ABLIM1: variants seen among roughly 807,000 people sequenced by gnomAD.
ABLIM1 encodes the protein actin binding LIM protein 1.
ABLIM1 carries 40 observed loss-of-function variants against 107.0 expected under a neutral mutation model. The ratio of observed to expected loss-of-function variants is 0.37; its 90% CI spans 0.29 to 0.49. ABLIM1 has a LOEUF of 0.49. Ranked by LOEUF, ABLIM1 falls within the 20% of genes least tolerant of loss-of-function variation. The probability of loss-of-function intolerance (pLI) is 0.97; values close to 1 mark genes in which losing one functional copy is unlikely to be tolerated. For synonymous variants in ABLIM1, 357 were observed against 357.3 expected, an observed-to-expected ratio of 1.00 and a Z score of 0.01; for missense variants, 857 against 1,008.5, an observed-to-expected ratio of 0.85 and a Z score of 2.04.
At chr10:114,769,292 G>C (rs1053260588), upstream of ABLIM1, among the ~76,000 whole-genome samples, 3 of 149,630 alleles carry the variant, frequency 2.0e-5, no homozygotes, top group South Asian at 6.4e-4. Context: ...GCAGTGAGCC[G>C]AGATCACGGC....
In ABLIM1 at chr10:114,691,716, T is replaced by C. The variant is rs573255944; in HGVS notation, c.-213+76345A>G. Reference sequence around the variant, plus strand: ...ACAGATGAAGCATTGGGTTAAATCATAATGACTTACTTTAGTGTGGATTTT... The same window carrying C: ...ACAGATGAAGCATTGGGTTAAATCACAATGACTTACTTTAGTGTGGATTTT... On this transcript the variant is annotated intron_variant, in intron 1 of 15. Coordinates refer to the ABLIM1 transcript ENST00000651092. Among the ~76,000 whole-genome samples, 247 of 152,340 alleles carry C rather than the reference T, an allele frequency of 1.6e-3. 1 individual carries two copies. Among genetic ancestry groups the C allele is most frequent in the Non-Finnish European group, 2.6e-3 (174 of 68,030 alleles).
intron 2 of ABLIM1, among the ~76,000 whole-genome samples, chr10:114,587,628 G>A (rs1366879690): frequency 6.6e-6 from 1 of 152,128 alleles, no homozygotes; most frequent in Non-Finnish European, 1.5e-5. Flanking sequence ...AAGTTTGCTT[G>A]TTCAAATTAA....
chr10:114,533,770 G>C (rs934655048), intron 6 of ABLIM1, among the ~76,000 whole-genome samples: 1 of 152,090 alleles, frequency 6.6e-6, no homozygotes, highest in Non-Finnish European at 1.5e-5. Context: ...TCGAACACCT[G>C]GGCTCTAGCA....
chr10:114,578,657 C>T (rs557174065), intron 2 of ABLIM1, among the ~76,000 whole-genome samples: 5 of 152,168 alleles, frequency 3.3e-5, no homozygotes, highest in African/African-American at 7.2e-5. Flanking sequence ...CTGCCCAACT[C>T]GGCCTCCCAA....
intron 1 of ABLIM1, among the ~76,000 whole-genome samples, chr10:114,702,714 A>G (rs1029711530): frequency 5.9e-5 from 9 of 151,886 alleles, no homozygotes; most frequent in Admixed American, 2.0e-4. Flanking sequence ...TTTAGTAGAG[A>G]CGGGGTTTCA....
chr10:114,436,294 C>A lies in ABLIM1; in HGVS notation c.2303G>T (p.Arg768Leu), dbSNP rs775966839. ...TTTTGCTTTTTTCTTCATGTCGTTG[C>A]GTCTCCAAAGAGGTAACCTGTCAAA... ...QEFDRLPLWR[R>L]NDMKKKAKLF Residue 768 changes from arginine to leucine, a missense_variant, in exon 23 of 23, where the codon CGC (arginine) becomes CTC (leucine). By Grantham distance (102) the Arg-to-Leu change is moderately radical. Coordinates refer to ENST00000533213, the MANE Select transcript of ABLIM1 (RefSeq NM_002313.7). 6.2e-7 allele frequency: 1 copy of A among 1,613,840 alleles called. No homozygotes were observed. The highest frequency in any genetic ancestry group is 1.3e-5 in the African/African-American group (1 of 74,970).
chr10:114,571,308 G>T lies in ABLIM1; in HGVS notation c.662C>A (p.Thr221Asn), dbSNP rs1179946795. 1.2e-6 allele frequency: 2 copies of T among 1,614,192 alleles called. No individual in the cohort carries two copies. Among genetic ancestry groups the T allele is most frequent in the East Asian group, 4.5e-5 (2 of 44,880 alleles). Residue 221 changes from threonine to asparagine, a missense_variant, in exon 4 of 23, where the codon ACC becomes AAC. Thr to Asn is a moderately conservative substitution (Grantham distance 65, BLOSUM62 0). Around this residue, in one of 5 missense-constraint regions of ABLIM1, gnomAD observed 381 missense variants for 506.9 expected, o/e 0.75. Coordinates refer to ENST00000533213, the MANE Select transcript of ABLIM1 (RefSeq NM_002313.7). ...QPMSSSPKET[T>N]FSSNCAGCGR... ...ACCGGGGCACTTACTGCTGGAGAAG[G>T]TGGTTTCTTTCGGACTGGACGACAT... is the stretch of plus-strand genomic sequence containing the variant.
chr10:114,587,213 T>C (rs895741339), intron 2 of ABLIM1, among the ~76,000 whole-genome samples: 1 of 152,238 alleles, frequency 6.6e-6, no homozygotes, highest in Non-Finnish European at 1.5e-5. Context: ...CTAATAGCTT[T>C]AGATGAACAC....
chr10:114,687,065 G>A (rs1232153039), upstream of ABLIM1, among the ~76,000 whole-genome samples: 1 of 152,182 alleles, frequency 6.6e-6, no homozygotes, highest in Non-Finnish European at 1.5e-5. Context: ...ACCCTTCACA[G>A]GAAAGTGACC....
chr10:114,715,347 C>T (rs963092308), intron 1 of ABLIM1, among the ~76,000 whole-genome samples: 3 of 152,132 alleles, frequency 2.0e-5, no homozygotes, highest in African/African-American at 7.2e-5. Context: ...GATCAGTATC[C>T]GAGCCCCTTC....
intron 4 of ABLIM1, among the ~76,000 whole-genome samples, chr10:114,556,789 G>T (rs1438540380): frequency 6.6e-6 from 1 of 152,084 alleles, no homozygotes; most frequent in African/African-American, 2.4e-5. Context: ...GACAAATATT[G>T]ACTGGCCACA....
intron 12 of ABLIM1, among the ~76,000 whole-genome samples, chr10:114,462,506 A>G (rs2064153101): frequency 6.6e-6 from 1 of 152,152 alleles, no homozygotes; most frequent in African/African-American, 2.4e-5. Context: ...ATCATGTGGG[A>G]GTTAGGACAA....
chr10:114,608,825 G>A (rs976916568), intron 1 of ABLIM1, among the ~76,000 whole-genome samples: 3 of 151,508 alleles, frequency 2.0e-5, no homozygotes, highest in African/African-American at 7.3e-5. Flanking sequence ...GACAAGCCTG[G>A]TCAACATGGC....
intron 1 of ABLIM1, chr10:114,767,957 T>C (rs2082943968): frequency 2.8e-6 from 1 of 358,126 alleles, no homozygotes; most frequent in Admixed American, 3.3e-5. Context: ...TGCCAAAGTT[T>C]CAGGCCGGGC....
intron 2 of ABLIM1, among the ~76,000 whole-genome samples, chr10:114,585,518 C>G (rs2074087328): frequency 6.6e-6 from 1 of 152,186 alleles, no homozygotes; most frequent in Admixed American, 6.5e-5. Context: ...TGCCCGATCT[C>G]CCCTGCTTAC....
intron 6 of ABLIM1, among the ~76,000 whole-genome samples, chr10:114,542,514 TAGAA>T (rs1410730645): frequency 1.5e-5 from 2 of 133,982 alleles, no homozygotes; most frequent in Non-Finnish European, 3.2e-5. Flanking sequence ...AAGAAGAAAT[TAGAA>T]GGAAGAAAGG....
At chr10:114,546,695 T>G (rs1421221669) in intron 5 of ABLIM1, among the ~76,000 whole-genome samples, 2 of 152,224 alleles carry the variant, frequency 1.3e-5, no homozygotes, top group Non-Finnish European at 2.9e-5. Flanking sequence ...GCTTGTTTGT[T>G]TCACTATATT....
upstream of ABLIM1, among the ~76,000 whole-genome samples, chr10:114,685,323 T>C (rs2080905016): frequency 6.6e-6 from 1 of 152,110 alleles, no homozygotes; most frequent in Non-Finnish European, 1.5e-5. Flanking sequence ...AATGTGAGGG[T>C]AAAACATTTA....
intron 1 of ABLIM1, among the ~76,000 whole-genome samples, chr10:114,692,282 C>T (rs1317792686): frequency 6.6e-6 from 1 of 152,240 alleles, no homozygotes; most frequent in African/African-American, 2.4e-5. Flanking sequence ...ACTAATTATT[C>T]CAAAGACTTT....
Sources: allele counts gnomAD v4.1 joint callset (sites outside exome capture counted in the v4.1 genomes callset), GRCh38; gene constraint gnomAD v4.1.1; regional missense constraint gnomAD v4.1.1; transcripts MANE v1.5; gene names NCBI Gene and HGNC (gene_info 2026-07-23, HGNC 2026-07-21).